Variants in ECM2 observed in about 807,000 individuals in gnomAD.
ECM2 encodes the protein extracellular matrix protein 2, also known as extracellular matrix protein 2, female organ and adipocyte specific.
Under a neutral mutation model 67.5 loss-of-function variants are expected in ECM2, and 57 were observed. The observed-to-expected ratio is 0.84, with a 90% CI of 0.68 to 1.05. The LOEUF is 1.05. Among genes scored for constraint, ECM2 ranks in the 50% least tolerant of loss-of-function variants. The probability of loss-of-function intolerance (pLI) is 0.00; values close to 1 mark genes in which losing one functional copy is unlikely to be tolerated. For synonymous variants in ECM2, 258 were observed against 294.5 expected, an observed-to-expected ratio of 0.88 and a Z score of 1.27; for missense variants, 741 against 822.8, an observed-to-expected ratio of 0.90 and a Z score of 1.22.
At chr9:92,536,033 A>G (rs556022645), upstream of ECM2, 32 of 507,064 alleles carry the variant, frequency 6.3e-5, no homozygotes, top group Non-Finnish European at 1.1e-4. Flanking sequence ...GAAAGGACAG[A>G]AGGGAATGTT....
At chr9:92,508,396 A>G (rs549253974) in intron 6 of ECM2, among the ~76,000 whole-genome samples, 7 of 152,230 alleles carry the variant, frequency 4.6e-5, no homozygotes, top group Non-Finnish European at 1.0e-4. Context: ...CTGGGAATCT[A>G]GAAGCATTTG....
At chr9:92,547,111 G>A in the ECM2 span, among the ~76,000 whole-genome samples, 6 of 152,220 alleles carry the variant, frequency 3.9e-5, no homozygotes, top group African/African-American at 1.4e-4. Flanking sequence ...AACTAGCGGC[G>A]TAAGTGTAAC....
the ECM2 span, among the ~76,000 whole-genome samples, chr9:92,547,706 A>T: frequency 6.6e-6 from 1 of 152,238 alleles, no homozygotes; most frequent in Admixed American, 6.5e-5. Context: ...TTCTTTATGG[A>T]GTGACTAAAA....
chr9:92,548,878 A>C, the ECM2 span, among the ~76,000 whole-genome samples: 1 of 152,136 alleles, frequency 6.6e-6, no homozygotes, highest in Non-Finnish European at 1.5e-5. Context: ...TGTGTGTGTT[A>C]TCTAGAACTT....
downstream of ECM2, chr9:92,493,982 C>G: frequency 8.7e-7 from 1 of 1,143,278 alleles, no homozygotes; most frequent in South Asian, 1.4e-5. Context: ...AGTCTCCTGG[C>G]GGCCCTCAGG....
Position 92,515,201 on chromosome 9 carries a change from A to T in ECM2, c.484T>A (p.Ser162Thr). The change falls in exon 4 of 10, where the codon TCC becomes ACC. Residue 162 changes from serine to threonine, a missense_variant and splice_region_variant. By Grantham distance (58) the Ser-to-Thr change is moderately conservative. Coordinates refer to ENST00000344604, the MANE Select transcript of ECM2 (RefSeq NM_001393.4). ...ECCPVCSATV[S>T]YSLLSGIALN... ...GCTATACCACTGAGTAGAGAATAGG[A>T]GACTAATGACCACGCAAGGATGAGG... The T allele has an allele frequency of 7.0e-6, 11 of 1,561,396 alleles. No individual in the cohort carries two copies. The highest frequency in any genetic ancestry group is 9.5e-6 in the Non-Finnish European group (11 of 1,156,910).
intron 2 of ECM2, among the ~76,000 whole-genome samples, chr9:92,519,000 C>T (rs1351653114): frequency 2.0e-5 from 3 of 152,146 alleles, no homozygotes; most frequent in Non-Finnish European, 4.4e-5. Context: ...CATTAGAAAG[C>T]TGAGGAGAAT....
At chr9:92,552,811 T>C in the ECM2 span, among the ~76,000 whole-genome samples, 10 of 152,330 alleles carry the variant, frequency 6.6e-5, no homozygotes, top group Non-Finnish European at 1.3e-4. Flanking sequence ...CTCTGCTGAC[T>C]GTTCCTTTTG....
chr9:92,500,818 ATAAT>A lies in ECM2; in HGVS notation c.1836_1839del (p.Glu612AspfsTer8), dbSNP rs982943174. 3 of 1,614,234 alleles carry A rather than the reference ATAAT, an allele frequency of 1.9e-6. No homozygotes were observed. Among genetic ancestry groups the A allele is most frequent in the African/African-American group, 2.7e-5 (2 of 75,058 alleles). On this transcript the variant is annotated frameshift_variant, in exon 9 of 10. Coordinates refer to ENST00000344604, the MANE Select transcript of ECM2 (RefSeq NM_001393.4). LOFTEE classifies it high-confidence loss of function. ...GATTTTAAGTCATTGTGATCCAGAA[ATAAT>A]TCTCTCAGAGAATGATATGCCCCAT...
upstream of ECM2, chr9:92,536,639 GTTTC>G (rs1341175336): frequency 6.6e-6 from 1 of 152,228 alleles, no homozygotes; most frequent in Non-Finnish European, 1.5e-5. Context: ...TTTGGCCTCA[GTTTC>G]TTTATCTGCA....
At chr9:92,527,527 C>T (rs1339712254) in intron 1 of ECM2, among the ~76,000 whole-genome samples, 1 of 152,184 alleles carries the variant, frequency 6.6e-6, no homozygotes, top group Non-Finnish European at 1.5e-5. Flanking sequence ...GTATCCTTGT[C>T]GCTAAGTGAC....
At position 92,522,758 on chromosome 9, in the gene ECM2, T is replaced by C; in HGVS notation, c.109A>G (p.Arg37Gly). The C allele has an allele frequency of 3.7e-6, 6 of 1,614,180 alleles. No individual in the cohort carries two copies. The highest frequency in any genetic ancestry group is 5.1e-6 in the Non-Finnish European group (6 of 1,180,024). The change falls in exon 2 of 10, where the codon AGG becomes GGG. Residue 37 changes from arginine to glycine, a missense_variant. Coordinates refer to ENST00000344604, the MANE Select transcript of ECM2 (RefSeq NM_001393.4). ...RKQRRKIYHRRLRKSSTSHKH... is the reference protein window; with the variant it reads ...RKQRRKIYHRGLRKSSTSHKH... ...TGTGAGGTTGAACTTTTCCTCAACC[T>C]TCTGTGGTAGATCTTCCTCCTTTGC...
the ECM2 span, among the ~76,000 whole-genome samples, chr9:92,546,316 T>C: frequency 6.6e-6 from 1 of 152,222 alleles, no homozygotes; most frequent in African/African-American, 2.4e-5. Context: ...AAGCTAGCCC[T>C]GACAACCCAC....
intron 1 of ECM2, among the ~76,000 whole-genome samples, chr9:92,530,492 T>C (rs1848679619): frequency 6.6e-6 from 1 of 152,196 alleles, no homozygotes; most frequent in Non-Finnish European, 1.5e-5. Context: ...AGAATATCAA[T>C]AAGGATTTTA....
chr9:92,533,316 A>ATAT (rs1848936762), intron 1 of ECM2, among the ~76,000 whole-genome samples: 6 of 97,162 alleles, frequency 6.2e-5, no homozygotes, highest in African/African-American at 2.5e-4. Flanking sequence ...AAAAAAAAAA[A>ATAT]AAAAAAAAAA....
At chr9:92,516,811 A>T (rs1214563184) in intron 3 of ECM2, 2 of 152,218 alleles carry the variant, frequency 1.3e-5, no homozygotes, top group Non-Finnish European at 2.9e-5. Flanking sequence ...ATTTGGTAGT[A>T]TAACGCAAAA....
At chr9:92,506,723 G>C (rs1847028961) in intron 6 of ECM2, among the ~76,000 whole-genome samples, 3 of 152,134 alleles carry the variant, frequency 2.0e-5, no homozygotes, top group Admixed American at 2.0e-4. Flanking sequence ...CAGACAGAAA[G>C]ATTTAGATAG....
intron 7 of ECM2, among the ~76,000 whole-genome samples, chr9:92,504,854 C>T (rs760432725): frequency 9.9e-5 from 15 of 152,278 alleles, no homozygotes; most frequent in East Asian, 3.9e-4. Flanking sequence ...GTGTTTTTAA[C>T]GCAGGAAATG....
rs546192618 is a variant in ECM2 at position 92,495,967 on chromosome 9, T to TA, written c.*347dup. On this transcript the variant is annotated 3_prime_UTR_variant, in exon 10 of 10. Transcript: ENST00000344604. ...AAGATACATAATTTTTAAAGGGACT[T>TA]ACAGAGTTCTCAGCTAACACCAGTA... 2.3e-3 allele frequency: 2,227 copies of TA among 989,586 alleles called. 3 individuals are homozygous for TA. Among genetic ancestry groups the TA allele is most frequent in the Non-Finnish European group, 2.5e-3 (2,087 of 832,866 alleles). 61.3% of individuals were successfully genotyped at this position (989,586 alleles called of 1,614,324 possible).
Sources: gnomAD v4.1 joint callset for allele counts (sites outside exome capture counted in the v4.1 genomes callset) on GRCh38, gnomAD v4.1.1 for gene constraint, MANE v1.5 for transcripts, NCBI Gene and HGNC (gene_info 2026-07-23, HGNC 2026-07-21) for gene names.